NCSTN: variants seen among roughly 807,000 people sequenced by gnomAD.
NCSTN encodes the protein nicastrin, also known as anterior pharynx-defective 2.
Under a neutral mutation model 87.0 loss-of-function variants are expected in NCSTN, and 22 were observed. That is an observed-to-expected ratio of 0.25 (90% CI 0.18 to 0.36). The LOEUF (loss-of-function observed/expected upper bound fraction) is 0.36, where lower values mean the gene tolerates loss of function less well. NCSTN is among the 10% of genes least tolerant of loss of function. The pLI is 1.00. For missense variants in NCSTN, 693 were observed against 883.3 expected (o/e 0.78, Z 2.73); for synonymous variants, 306 against 327.1 (o/e 0.94, Z 0.69).
At position 160,351,281 on chromosome 1, in the gene NCSTN, C is replaced by A; in HGVS notation, c.642C>A (p.Ala214=). Residue 214 remains alanine (A), a synonymous_variant, in exon 6 of 17, where the codon GCC becomes GCA. Transcript: ENST00000294785. ...NGSAPTFPLC[A]MQLFSHMHAV... is the part of the protein sequence containing the mutation. ...CAGCACCAACCTTCCCACTATGTGC[C>A]ATGCAGCTCTTTTCACACATGCATG... The A allele has an allele frequency of 6.2e-7, 1 of 1,614,182 alleles. No homozygotes were observed. The highest frequency in any genetic ancestry group is 8.5e-7 in the Non-Finnish European group (1 of 1,180,032).
At chr1:160,354,012 C>A in intron 10 of NCSTN, 106 bp from the exon 11 acceptor site, 1 of 1,213,976 alleles carries the variant, frequency 8.2e-7, no homozygotes, top group Non-Finnish European at 1.2e-6. Context: ...GATAGGGTAG[C>A]TCCCCAAGCA....
chr1:160,343,525 C>G (rs1557880222), intron 1 of NCSTN, 44 bp downstream of exon 1: 1 of 1,542,842 alleles, frequency 6.5e-7, no homozygotes, highest in South Asian at 1.2e-5. Flanking sequence ...AAGGGGAACT[C>G]TCGGATCGGC....
At chr1:160,354,336 C>G in intron 11 of NCSTN, 46 bp downstream of exon 11, 1 of 1,595,856 alleles carries the variant, frequency 6.3e-7, no homozygotes, top group Non-Finnish European at 8.6e-7. Flanking sequence ...TGAAGAGAGT[C>G]TATTCTGCAG....
At chr1:160,356,947 T>A in intron 15 of NCSTN, 94 bp from the exon 16 acceptor site, 3 of 1,403,306 alleles carry the variant, frequency 2.1e-6, no homozygotes, top group South Asian at 2.3e-5. Context: ...GCCAGTTAGC[T>A]CAATTGGTTA....
At chr1:160,358,027 A>T in intron 16 of NCSTN, 122 bp from the exon 17 acceptor site, 1 of 1,257,124 alleles carries the variant, frequency 8.0e-7, no homozygotes, top group Non-Finnish European at 1.2e-6. Context: ...TGATTATTCC[A>T]TAGTTGGTGC....
intron 14 of NCSTN, 98 bp downstream of exon 14, chr1:160,356,445 C>A: frequency 1.4e-6 from 2 of 1,431,642 alleles, no homozygotes. Context: ...TTTTTCCTCT[C>A]TGTTTTTCTT....
At chr1:160,353,604 C>T (rs1185073193) in intron 10 of NCSTN, 3 of 1,202,454 alleles carry the variant, frequency 2.5e-6, no homozygotes, top group Non-Finnish European at 2.1e-6. Context: ...CCAACTTGTC[C>T]TCCACTTTCC....
intron 13 of NCSTN, 149 bp downstream of exon 13, chr1:160,356,107 C>T (rs987484601): frequency 3.5e-5 from 35 of 1,006,428 alleles, no homozygotes; most frequent in Non-Finnish European, 5.1e-5. Context: ...TTGGGTGGGC[C>T]TCATCTGCAT....
At chr1:160,351,425 G>A in intron 6 of NCSTN, 53 bp downstream of exon 6, 3 of 1,584,410 alleles carry the variant, frequency 1.9e-6, no homozygotes, top group Non-Finnish European at 2.6e-6. Context: ...GAGGGAGAGT[G>A]GAACCAGGCC....
At chr1:160,352,349 C>T in intron 8 of NCSTN, 143 bp downstream of exon 8, 3 of 1,020,938 alleles carry the variant, frequency 2.9e-6, no homozygotes, top group Non-Finnish European at 1.4e-6. Context: ...ACATGTGTCT[C>T]CCCTTTAGAT....
In NCSTN at chr1:160,356,881, T is replaced by A. The variant is rs998842651; in HGVS notation, c.1794+127T>A. 2.7e-5 allele frequency: 38 copies of A among 1,421,390 alleles called. No individual in the cohort carries two copies. In the African/African-American group the frequency reaches 5.2e-4, roughly 20 times the overall value. The allele number at this position is 1,421,390 out of a possible 1,614,324, so 88.0% of individuals were successfully genotyped here. A position where few individuals can be genotyped will look rare whatever the true frequency, so the allele number is the denominator to read the frequency against. ...GGTGGAGAGATGCAGTCCTCAGCAA[T>A]TGGGTGTTGAAAAGCCTGGGTGAAA... is the stretch of plus-strand genomic sequence containing the variant. On this transcript the variant is annotated intron_variant, in intron 15 of 16. Coordinates refer to ENST00000294785, the MANE Select transcript of NCSTN (RefSeq NM_015331.3).
intron 10 of NCSTN, 112 bp downstream of exon 10, chr1:160,353,349 G>A: frequency 6.3e-7 from 1 of 1,575,406 alleles, no homozygotes; most frequent in Non-Finnish European, 8.6e-7. Flanking sequence ...TAAGAGACAG[G>A]ATTGGATTGG....
chr1:160,350,659 A>T (rs1251929381), intron 5 of NCSTN, among the ~76,000 whole-genome samples: 1 of 152,188 alleles, frequency 6.6e-6, no homozygotes, highest in Non-Finnish European at 1.5e-5. Context: ...GAATATCTGA[A>T]AGAGTAATAT....
chr1:160,352,821 C>T (rs779349010), intron 8 of NCSTN, 66 bp from the exon 9 acceptor site: 61 of 1,266,706 alleles, frequency 4.8e-5, no homozygotes, highest in Admixed American at 1.5e-4. Context: ...ATGATCTGGC[C>T]GCCTTCGAGG....
chr1:160,343,856 C>T, intron 1 of NCSTN: 2 of 501,134 alleles, frequency 4.0e-6, no homozygotes, highest in Non-Finnish European at 8.0e-6. Flanking sequence ...CGAAAGCAAT[C>T]TTGTTCTGTG....
chr1:160,354,829 T>TC (rs200960960), intron 11 of NCSTN, among the ~76,000 whole-genome samples: 5,509 of 152,244 alleles, frequency 0.036, 114 homozygotes, highest in Middle Eastern at 0.054. Flanking sequence ...CTTTAACTGC[T>TC]CCTAACTTGA....
intron 11 of NCSTN, among the ~76,000 whole-genome samples, chr1:160,354,939 C>T (rs774865409): frequency 6.6e-5 from 10 of 152,212 alleles, no homozygotes; most frequent in Admixed American, 3.3e-4. Context: ...CTATTTCTGA[C>T]CCCAGCCAAG....
At chr1:160,353,021 T>G in intron 9 of NCSTN, 30 bp downstream of exon 9, 2 of 1,600,648 alleles carry the variant, frequency 1.2e-6, no homozygotes, top group Non-Finnish European at 1.7e-6. Context: ...GCCCCTTCCT[T>G]TTTAATTAAA....
intron 4 of NCSTN, among the ~76,000 whole-genome samples, 191 bp downstream of exon 4, chr1:160,349,861 GC>G (rs1287920466): frequency 6.6e-6 from 1 of 152,104 alleles, no homozygotes; most frequent in African/African-American, 2.4e-5. Context: ...CCCTTCCTTT[GC>G]CTTACCTGGC....
Sources: gnomAD v4.1 joint callset for allele counts (sites outside exome capture counted in the v4.1 genomes callset) on GRCh38, gnomAD v4.1.1 for gene constraint, MANE v1.5 for transcripts, NCBI Gene and HGNC (gene_info 2026-07-23, HGNC 2026-07-21) for gene names.